JAKMIP3: variants seen among roughly 807,000 people sequenced by gnomAD.
JAKMIP3 encodes janus kinase and microtubule-interacting protein 3.
JAKMIP3 carries 58 observed loss-of-function variants against 118.5 expected under a neutral mutation model. The ratio of observed to expected loss-of-function variants is 0.49; its 90% CI spans 0.40 to 0.61. The LOEUF is 0.61. Ranked by LOEUF, JAKMIP3 falls within the 20% of genes least tolerant of loss-of-function variation. JAKMIP3 has a pLI of 0.00. For missense variants in JAKMIP3, 950 were observed against 1,109.0 expected, an observed-to-expected ratio of 0.86 and a Z score of 2.04; for synonymous variants, 486 against 451.2, an observed-to-expected ratio of 1.08 and a Z score of -0.98.
At position 132,118,245 on chromosome 10, in the gene JAKMIP3, C is replaced by T. The variant is rs1003225570; in HGVS notation, c.633+671C>T. Among the ~76,000 whole-genome samples the T allele has an allele frequency of 1.3e-5, 2 of 152,178 alleles. No homozygotes were observed. The highest frequency in any genetic ancestry group is 6.5e-5 in the Admixed American group (1 of 15,290). ...TAATAGCTCCAGAGACCTGGGCACC[C>T]ATGGCAGGCACCAGGAGAGTCGATG... On this transcript the variant is annotated intron_variant, in intron 3 of 23. Coordinates refer to ENST00000684848, the MANE Select transcript of JAKMIP3 (RefSeq NM_001323087.2). The surrounding 1 kb of genome is among the most constrained non-coding windows in gnomAD (Gnocchi z 4.8).
intron 3 of JAKMIP3, among the ~76,000 whole-genome samples, chr10:132,132,387 C>T (rs910429498): frequency 2.0e-5 from 3 of 152,156 alleles, no homozygotes; most frequent in Non-Finnish European, 4.4e-5. Flanking sequence ...AAGTGCCGAG[C>T]GTGTCTGTCT....
chr10:132,143,429 A>C (rs749968677), intron 11 of JAKMIP3, among the ~76,000 whole-genome samples: 2 of 152,268 alleles, frequency 1.3e-5, no homozygotes, highest in East Asian at 1.9e-4. Flanking sequence ...AGCTGGAGAA[A>C]GCATCCTGTC....
intron 1 of JAKMIP3, among the ~76,000 whole-genome samples, chr10:132,048,320 T>C (rs1389105839): frequency 6.6e-6 from 1 of 152,188 alleles, no homozygotes; most frequent in Non-Finnish European, 1.5e-5. Context: ...CTTGAGTCTC[T>C]GCTCCTGGCC....
intron 13 of JAKMIP3, among the ~76,000 whole-genome samples, chr10:132,146,464 G>A (rs2054627396): frequency 6.6e-6 from 1 of 152,122 alleles, no homozygotes; most frequent in African/African-American, 2.4e-5. Flanking sequence ...GGCGGGGCTG[G>A]CTACGGGTCC....
rs190927428 is a variant in JAKMIP3 at position 132,175,511 on chromosome 10, C to T, written c.*1103+6478C>T. Among the ~76,000 whole-genome samples, 5 of 152,266 alleles carry T rather than the reference C, an allele frequency of 3.3e-5. No individual in the cohort carries two copies. In the East Asian group the frequency reaches 7.7e-4, roughly 23 times the overall value. On this transcript the variant is annotated intron_variant, in intron 23 of 23. Coordinates refer to ENST00000684848, the MANE Select transcript of JAKMIP3 (RefSeq NM_001323087.2). ...GGGTCCCTTGAGCCGGCAGAGCCAGCGTGTCTGGTCCCCATTTGACCCCAG... is the reference window on the plus strand; with the variant it reads ...GGGTCCCTTGAGCCGGCAGAGCCAGTGTGTCTGGTCCCCATTTGACCCCAG...
In JAKMIP3 at chr10:132,104,819, G is replaced by A; in HGVS notation, c.11G>A (p.Arg4Lys). 1 of 1,552,040 alleles carries A rather than the reference G, an allele frequency of 6.4e-7. No homozygotes were observed. The highest frequency in any genetic ancestry group is 8.7e-7 in the Non-Finnish European group (1 of 1,147,620). The change falls in exon 2 of 24, where the codon AGG becomes AAG. Residue 4 changes from arginine to lysine, a missense_variant. Transcript: ENST00000684848. ...CCATCCAGCCTCACCATGTCCAAGA[G>A]GGGCATGAGCAGCCGGGCCAAGGGG... is the stretch of plus-strand genomic sequence containing the variant. MSK[R>K]GMSSRAKGDK...
intron 1 of JAKMIP3, among the ~76,000 whole-genome samples, chr10:132,078,882 G>T (rs535067046): frequency 6.6e-6 from 1 of 152,364 alleles, no homozygotes; most frequent in East Asian, 1.9e-4. Flanking sequence ...CTAGGGGGCC[G>T]GATGATTGGC....
rs2045642950 is a variant in JAKMIP3, at chr10:132,104,749, C to T, written c.-60C>T. ...TTGGCGTGGACACCCCAGCCACCCC[C>T]AGCCCAGCCCAGCCGGAGCACCCTA... On this transcript the variant is annotated 5_prime_UTR_variant, in exon 2 of 24. Coordinates refer to ENST00000684848, the MANE Select transcript of JAKMIP3 (RefSeq NM_001323087.2). 6.6e-7 allele frequency: 1 copy of T among 1,522,986 alleles called. No individual in the cohort carries two copies. Among genetic ancestry groups the T allele is most frequent in the Admixed American group, 2.0e-5 (1 of 50,194 alleles). 94.3% of individuals were successfully genotyped at this position (1,522,986 alleles called of 1,614,324 possible).
chr10:132,117,630 AGGGTGCAGGGGCGGGCGTGGG>A lies in JAKMIP3; in HGVS notation c.633+57_633+77del. On this transcript the variant is annotated intron_variant, in intron 3 of 23. Transcript: ENST00000684848. This position sits in a 1 kb window ranked among gnomAD's most constrained non-coding sequence, Gnocchi z 8.6. ...GAGGGTGCAGGGGCGGGCGTGGGCG[AGGGTGCAGGGGCGGGCGTGGG>A]CGAGGGTGCAGGCGTGGGCTCGGGG... 1 of 765,532 alleles carries A rather than the reference AGGGTGCAGGGGCGGGCGTGGG, an allele frequency of 1.3e-6. No individual in the cohort carries two copies. The highest frequency in any genetic ancestry group is 1.9e-6 in the Non-Finnish European group (1 of 526,734). 47.4% of individuals were successfully genotyped at this position (765,532 alleles called of 1,614,324 possible). A position where few individuals can be genotyped will look rare whatever the true frequency, so the allele number is the denominator to read the frequency against.
intron 19 of JAKMIP3, among the ~76,000 whole-genome samples, chr10:132,159,743 TGG>T (rs1199556461): frequency 1.9e-5 from 1 of 52,552 alleles, no homozygotes; most frequent in African/African-American, 8.4e-5. Flanking sequence ...TGTGTGATAC[TGG>T]GGGGGCCTCT....
intron 19 of JAKMIP3, among the ~76,000 whole-genome samples, chr10:132,155,455 A>T (rs1038107725): frequency 6.6e-6 from 1 of 152,186 alleles, no homozygotes; most frequent in African/African-American, 2.4e-5. Flanking sequence ...GCACTTGTGG[A>T]TGTGAGTTCC....
At chr10:132,166,286 A>C (rs866581351) in intron 21 of JAKMIP3, among the ~76,000 whole-genome samples, 2 of 152,294 alleles carry the variant, frequency 1.3e-5, no homozygotes, top group Middle Eastern at 3.4e-3. Flanking sequence ...TGATTACGTC[A>C]CTGCACTCCA....
intron 1 of JAKMIP3, among the ~76,000 whole-genome samples, chr10:132,069,459 C>G (rs2039468358): frequency 6.6e-6 from 1 of 152,138 alleles, no homozygotes; most frequent in African/African-American, 2.4e-5. Context: ...CCAGGGACCC[C>G]CCAGACAACC....
At chr10:132,104,542 G>A (rs1049460163) in intron 1 of JAKMIP3, 130 bp from the exon 2 acceptor site, 21 of 471,430 alleles carry the variant, frequency 4.5e-5, no homozygotes, top group East Asian at 1.1e-4. Flanking sequence ...GGCCTGCGTC[G>A]TCCAGGTAGC....
intron 23 of JAKMIP3, among the ~76,000 whole-genome samples, chr10:132,170,881 G>A (rs2059424914): frequency 6.6e-6 from 1 of 152,238 alleles, no homozygotes; most frequent in South Asian, 2.1e-4. Context: ...GGATCAGGGA[G>A]TGAGCCTCGA....
chr10:132,100,823 A>G (rs1325179111), intron 1 of JAKMIP3, among the ~76,000 whole-genome samples: 1 of 126,570 alleles, frequency 7.9e-6, no homozygotes, highest in African/African-American at 2.8e-5. Context: ...TTCTCTCTGC[A>G]TGAGGAACCC....
chr10:132,142,363 G>A (rs1274140646), intron 11 of JAKMIP3, among the ~76,000 whole-genome samples: 3 of 152,212 alleles, frequency 2.0e-5, no homozygotes, highest in African/African-American at 7.2e-5. Flanking sequence ...CCTCCTTCCA[G>A]ACCACCTCTT....
intron 1 of JAKMIP3, among the ~76,000 whole-genome samples, chr10:132,052,743 G>A (rs1231291237): frequency 6.6e-6 from 1 of 151,928 alleles, no homozygotes. Context: ...ATTCAAATTT[G>A]GTATATCACC....
At chr10:132,176,996 G>A (rs1341248223) in intron 23 of JAKMIP3, among the ~76,000 whole-genome samples, 1 of 152,056 alleles carries the variant, frequency 6.6e-6, no homozygotes, top group Non-Finnish European at 1.5e-5. Context: ...TTTTACCAAG[G>A]GCGAAGGTGT....
Sources: allele counts gnomAD v4.1 joint callset (sites outside exome capture counted in the v4.1 genomes callset), GRCh38; gene constraint gnomAD v4.1.1; non-coding constraint Gnocchi (gnomAD v3.1); transcripts MANE v1.5; gene names NCBI Gene and HGNC (gene_info 2026-07-23, HGNC 2026-07-21).